RAB4B: variants seen among roughly 807,000 people sequenced by gnomAD.
The protein encoded by RAB4B is RAB4B, member RAS oncogene family, also known as ras-related protein Rab-4B.
Under a neutral mutation model 28.3 loss-of-function variants are expected in RAB4B, and 15 were observed. The observed-to-expected ratio is 0.53, with a 90% CI of 0.35 to 0.82. RAB4B has a LOEUF of 0.82. Ranked by LOEUF, RAB4B falls within the 40% of genes least tolerant of loss-of-function variation. The pLI, the probability that RAB4B is intolerant of heterozygous loss-of-function variation, is 0.01. For missense variants in RAB4B, 244 were observed against 288.5 expected, an observed-to-expected ratio of 0.85 and a Z score of 1.12; for synonymous variants, 108 against 116.3, an observed-to-expected ratio of 0.93 and a Z score of 0.46.
intron 3 of RAB4B, among the ~76,000 whole-genome samples, chr19:40,782,095 C>T (rs540539963): frequency 6.6e-6 from 1 of 150,934 alleles, no homozygotes; most frequent in South Asian, 2.1e-4. Flanking sequence ...GAATTCAGTC[C>T]ACGGAAAAGT....
At chr19:40,786,199 G>A (rs2083097188) in intron 5 of RAB4B, 2 of 230,788 alleles carry the variant, frequency 8.7e-6, no homozygotes, top group South Asian at 9.8e-5. Flanking sequence ...GGGCTCAGGG[G>A]TGGAATGGGG....
At position 40,786,998 on chromosome 19, in the gene RAB4B, A is replaced by G; in HGVS notation, c.*15+20A>G. 6.2e-7 allele frequency: 1 copy of G among 1,601,814 alleles called. No homozygotes were observed. Among genetic ancestry groups the G allele is most frequent in the South Asian group, 1.1e-5 (1 of 90,586 alleles). ...AGCCAGGTGGGACACTGGGGGCTTT[A>G]GGGAGGCAGGGCGGCCTCTTGGGCA... On this transcript the variant is annotated intron_variant, in intron 7 of 7. Coordinates refer to ENST00000357052, the MANE Select transcript of RAB4B (RefSeq NM_016154.5).
At chr19:40,791,013 G>A (rs2083154423) in intron 7 of RAB4B, among the ~76,000 whole-genome samples, 1 of 151,746 alleles carries the variant, frequency 6.6e-6, no homozygotes, top group East Asian at 2.0e-4. Flanking sequence ...GTGCCACCAC[G>A]TCTGGCTAAT....
chr19:40,779,833 C>G, intron 1 of RAB4B, 186 bp from the exon 2 acceptor site: 1 of 1,380,490 alleles, frequency 7.2e-7, no homozygotes, highest in Non-Finnish European at 9.5e-7. Context: ...TAGAATGTGC[C>G]TGGCACATGG....
Position 40,788,672 on chromosome 19 carries a change from C to T in RAB4B, c.*15+1694C>T, listed in dbSNP as rs191574981. ...CGTGATCTCGGCTCACTGAAACCTC[C>T]GCCTCCTGGGTTCAAGTGATTCTCC... On this transcript the variant is annotated intron_variant, in intron 7 of 7. Coordinates refer to ENST00000357052, the MANE Select transcript of RAB4B (RefSeq NM_016154.5). Among the ~76,000 whole-genome samples, 384 of 149,920 alleles carry T rather than the reference C, an allele frequency of 2.6e-3. 3 individuals carry two copies. The highest frequency in any genetic ancestry group is 8.9e-3 in the African/African-American group (364 of 40,844).
chr19:40,786,935 C>T lies in RAB4B; in HGVS notation c.614C>T (p.Ala205Val). The T allele has an allele frequency of 6.2e-7, 1 of 1,614,002 alleles. No individual in the cohort carries two copies. The highest frequency in any genetic ancestry group is 8.5e-7 in the Non-Finnish European group (1 of 1,179,946). Residue 205 changes from alanine to valine, a missense_variant, in exon 7 of 8, where the codon GCC becomes GTC. Ala to Val is a moderately conservative substitution (Grantham distance 64, BLOSUM62 0). Transcript: ENST00000357052. ...CTTCGGCAGCCTCGGAGTGCCCAGG[C>T]CGTGGCCCCTCAGCCGTGTGGCTGC... ...RQLRQPRSAQ[A>V]VAPQPCGC
chr19:40,796,600 G>GGGCCCA lies in RAB4B; in HGVS notation c.*56_*61dup, dbSNP rs1183936629. On this transcript the variant is annotated 3_prime_UTR_variant, in exon 8 of 8. Coordinates refer to ENST00000357052, the MANE Select transcript of RAB4B (RefSeq NM_016154.5). ...CTGTTCTCCAGGACCAGCCCTGCTG[G>GGGCCCA]GGCCCAGGCCCAGGCTCTGAGAGGC... 1 of 152,842 alleles carries GGGCCCA rather than the reference G, an allele frequency of 6.5e-6. No homozygotes were observed. The highest frequency in any genetic ancestry group is 1.5e-5 in the Non-Finnish European group (1 of 68,226). The allele number at this position is 152,842 out of a possible 1,614,324, so 9.5% of individuals were successfully genotyped here.
At chr19:40,789,896 G>A (rs1352739649) in intron 7 of RAB4B, among the ~76,000 whole-genome samples, 1 of 152,188 alleles carries the variant, frequency 6.6e-6, no homozygotes, top group Non-Finnish European at 1.5e-5. Flanking sequence ...GGGATCTGGG[G>A]CAAGAGCACT....
At chr19:40,781,836 A>T (rs922290970) in intron 3 of RAB4B, among the ~76,000 whole-genome samples, 1 of 152,052 alleles carries the variant, frequency 6.6e-6, no homozygotes, top group African/African-American at 2.4e-5. Context: ...CCTGGCTAAC[A>T]TGGTGAAACC....
At chr19:40,786,544 C>A in intron 5 of RAB4B, 121 bp from the exon 6 acceptor site, 1 of 1,454,798 alleles carries the variant, frequency 6.9e-7, no homozygotes, top group Non-Finnish European at 9.3e-7. Flanking sequence ...TGCGCAGAGG[C>A]CTGAGGTGAG....
In RAB4B at chr19:40,780,505, T is replaced by C; in HGVS notation, c.212+6T>C. ...GCTGGCCAGGAGCGGTTTCGGTAGG[T>C]GGGCTGGGCTCCCAAGGGTGATGGG... On this transcript the variant is annotated splice_donor_region_variant and intron_variant, in intron 3 of 7. Transcript: ENST00000357052. The C allele has an allele frequency of 6.2e-7, 1 of 1,610,304 alleles. No individual in the cohort carries two copies. Among genetic ancestry groups the C allele is most frequent in the Non-Finnish European group, 8.5e-7 (1 of 1,177,614 alleles).
chr19:40,792,779 TTTTTC>T (rs2083170694), intron 7 of RAB4B, among the ~76,000 whole-genome samples: 1 of 152,174 alleles, frequency 6.6e-6, no homozygotes, highest in African/African-American at 2.4e-5. Context: ...GTTTTCTTTT[TTTTTC>T]TTTTCTTTTT....
intron 1 of RAB4B, chr19:40,778,944 A>G: frequency 6.1e-6 from 6 of 986,114 alleles, no homozygotes; most frequent in Non-Finnish European, 7.2e-6. Context: ...GTAGGGATGC[A>G]CCATAGGAGG....
Position 40,783,789 on chromosome 19 carries a change from G to A in RAB4B, c.224G>A (p.Arg75Gln), listed in dbSNP as rs747390800. The A allele has an allele frequency of 7.6e-6, 12 of 1,575,168 alleles. No individual in the cohort carries two copies. The highest frequency in any genetic ancestry group is 1.2e-5 in the South Asian group (1 of 86,332). ...AGQERFRSVT[R>Q]SYYRGAAGAL... ...CCCTGGCCCCACAGGTCAGTGACGC[G>A]GAGTTATTACCGAGGGGCGGCTGGA... The change falls in exon 4 of 8, where the codon CGG becomes CAG. Residue 75 changes from arginine (R) to glutamine (Q), a missense_variant. Coordinates refer to ENST00000357052, the MANE Select transcript of RAB4B (RefSeq NM_016154.5).
chr19:40,783,322 C>T (rs770869705), intron 3 of RAB4B, among the ~76,000 whole-genome samples: 1 of 151,518 alleles, frequency 6.6e-6, no homozygotes, highest in East Asian at 1.9e-4. Flanking sequence ...TAGTCCCAGA[C>T]ACTACATAGG....
intron 7 of RAB4B, among the ~76,000 whole-genome samples, chr19:40,788,647 C>T (rs955700112): frequency 6.7e-6 from 1 of 149,690 alleles, no homozygotes; most frequent in African/African-American, 2.5e-5. Flanking sequence ...AGTGCTGTGG[C>T]GTGATCTCGG....
At chr19:40,793,731 G>A (rs1266555032) in intron 7 of RAB4B, among the ~76,000 whole-genome samples, 1 of 151,348 alleles carries the variant, frequency 6.6e-6, no homozygotes, top group Non-Finnish European at 1.5e-5. Context: ...CGAGACCAGG[G>A]TGACCAACAT....
At chr19:40,795,159 G>C (rs2083197877) in intron 7 of RAB4B, among the ~76,000 whole-genome samples, 4 of 137,088 alleles carry the variant, frequency 2.9e-5, no homozygotes, top group Admixed American at 1.5e-4. Context: ...ATAGAGCGAG[G>C]CTCCATCTCC....
chr19:40,786,896 C>T lies in RAB4B; in HGVS notation c.575C>T (p.Ala192Val), dbSNP rs145079075. The T allele has an allele frequency of 9.8e-5, 158 of 1,613,972 alleles. No homozygotes were observed. The highest frequency in any genetic ancestry group is 2.2e-4 in the South Asian group (20 of 91,094). ...RMGSGIQYGD[A>V]SLRQLRQPRS... ...GGCTCTGGCATTCAGTACGGGGATG[C>T]GTCCCTCCGCCAGCTTCGGCAGCCT... The change falls in exon 7 of 8, where the codon GCG becomes GTG. Residue 192 changes from alanine (A) to valine (V), a missense_variant. Physicochemically the swap from Ala to Val is moderately conservative, Grantham distance 64. Transcript: ENST00000357052.
Sources: gnomAD v4.1 joint callset for allele counts (sites outside exome capture counted in the v4.1 genomes callset) on GRCh38, gnomAD v4.1.1 for gene constraint, MANE v1.5 for transcripts, NCBI Gene and HGNC (gene_info 2026-07-23, HGNC 2026-07-21) for gene names.